Variants in CNTN3 observed in about 807,000 individuals in gnomAD.
CNTN3 encodes contactin 3, also known as contactin-3.
A neutral mutation model predicts 119.1 loss-of-function variants in CNTN3; 60 were observed. The observed-to-expected ratio is 0.50, with a 90% CI of 0.41 to 0.62. The LOEUF (loss-of-function observed/expected upper bound fraction) is 0.62. Among genes scored for constraint, CNTN3 ranks in the 20% least tolerant of loss-of-function variants. CNTN3 has a pLI of 0.00. For missense variants in CNTN3, 1,101 were observed against 1,242.4 expected (o/e 0.89, Z 1.71); for synonymous variants, 450 against 438.7 (o/e 1.03, Z -0.32).
At chr3:74,286,783 G>A (rs962911110) in intron 19 of CNTN3, among the ~76,000 whole-genome samples, 13 of 152,162 alleles carry the variant, frequency 8.5e-5, no homozygotes, top group African/African-American at 3.1e-4. Context: ...ACTGAATTGT[G>A]GTTCTCAATC....
chr3:74,452,370 C>A (rs1702175712), intron 4 of CNTN3, among the ~76,000 whole-genome samples: 1 of 127,684 alleles, frequency 7.8e-6, no homozygotes. Flanking sequence ...GATTTTGTAT[C>A]CTGAGACTTT....
intron 1 of CNTN3, among the ~76,000 whole-genome samples, chr3:74,594,262 T>C (rs1704753589): frequency 7.1e-6 from 1 of 140,760 alleles, no homozygotes; most frequent in African/African-American, 3.0e-5. Flanking sequence ...CAAAACTGTA[T>C]TTCTTTTTTT....
intron 1 of CNTN3, among the ~76,000 whole-genome samples, chr3:74,542,221 TA>T (rs1401176440): frequency 1.3e-5 from 2 of 151,942 alleles, no homozygotes; most frequent in Admixed American, 6.6e-5. Flanking sequence ...TAATGAAAAA[TA>T]AAATAATTTT....
intron 4 of CNTN3, among the ~76,000 whole-genome samples, chr3:74,459,774 T>C (rs1702332568): frequency 6.6e-6 from 1 of 152,036 alleles, no homozygotes; most frequent in Admixed American, 6.6e-5. Context: ...GGTATGCCTT[T>C]TATTATTCTC....
intron 1 of CNTN3, among the ~76,000 whole-genome samples, chr3:74,588,576 G>T (rs1279146743): frequency 3.9e-5 from 6 of 151,968 alleles, no homozygotes; most frequent in Non-Finnish European, 1.5e-5. Flanking sequence ...AGCTACCAAT[G>T]ACTTTCTTCA....
At chr3:74,298,270 T>A (rs931224698) in intron 17 of CNTN3, 79 bp from the exon 18 acceptor site, 1 of 854,838 alleles carries the variant, frequency 1.2e-6, no homozygotes, top group African/African-American at 1.7e-5. Context: ...TCCACAGGCA[T>A]TTATTTGTAA....
chr3:74,399,282 T>TCC (rs1559582093), intron 5 of CNTN3, among the ~76,000 whole-genome samples: 1 of 152,112 alleles, frequency 6.6e-6, no homozygotes, highest in Non-Finnish European at 1.5e-5. Flanking sequence ...TTCCTGATCC[T>TCC]CCCCTTCCTC....
intron 1 of CNTN3, among the ~76,000 whole-genome samples, chr3:74,603,964 A>G (rs1009858307): frequency 9.9e-5 from 15 of 152,146 alleles, no homozygotes; most frequent in African/African-American, 2.4e-4. Context: ...GCATCAAAAC[A>G]GAACGCATAT....
intron 1 of CNTN3, among the ~76,000 whole-genome samples, chr3:74,568,768 T>C (rs538898897): frequency 3.9e-5 from 6 of 152,332 alleles, no homozygotes; most frequent in African/African-American, 1.4e-4. Context: ...GCCTCTTCTT[T>C]GTTTTATTTC....
intron 13 of CNTN3, among the ~76,000 whole-genome samples, chr3:74,313,265 C>T (rs944116561): frequency 2.0e-5 from 3 of 151,870 alleles, no homozygotes; most frequent in African/African-American, 7.3e-5. Flanking sequence ...ATTTTTGAAG[C>T]AATGGTGACT....
intron 4 of CNTN3, among the ~76,000 whole-genome samples, chr3:74,470,463 T>C (rs1702539434): frequency 2.0e-5 from 3 of 152,086 alleles, no homozygotes; most frequent in Non-Finnish European, 1.5e-5. Flanking sequence ...GTAGGAATTA[T>C]AAAAAGCTGC....
At chr3:74,462,649 T>G (rs1278409745) in intron 4 of CNTN3, among the ~76,000 whole-genome samples, 1 of 152,104 alleles carries the variant, frequency 6.6e-6, no homozygotes, top group Non-Finnish European at 1.5e-5. Context: ...TCCTCCATAA[T>G]ATATTGATTG....
chr3:74,298,315 A>T, intron 17 of CNTN3, 124 bp from the exon 18 acceptor site: 1 of 529,158 alleles, frequency 1.9e-6, no homozygotes. Context: ...TGTATTAAGC[A>T]GTTGCATGAA....
intron 11 of CNTN3, among the ~76,000 whole-genome samples, chr3:74,343,615 T>C (rs746731131): frequency 9.9e-5 from 15 of 152,256 alleles, no homozygotes; most frequent in Non-Finnish European, 2.2e-4. Flanking sequence ...GCAACTAACA[T>C]TGATCTTCCT....
chr3:74,304,724 T>A (rs1702525639), intron 13 of CNTN3, among the ~76,000 whole-genome samples: 1 of 152,148 alleles, frequency 6.6e-6, no homozygotes, highest in Admixed American at 6.6e-5. Flanking sequence ...AATGAAGCCA[T>A]CTTCCTAAAG....
At chr3:74,563,274 G>A (rs1329742838) in intron 1 of CNTN3, among the ~76,000 whole-genome samples, 1 of 152,052 alleles carries the variant, frequency 6.6e-6, no homozygotes. Flanking sequence ...GCCCAAAGTG[G>A]GGGAAAATGC....
At position 74,492,375 on chromosome 3, in the gene CNTN3, C is replaced by G. The variant is rs374368184; in HGVS notation, c.183-5744G>C. On this transcript the variant is annotated intron_variant, in intron 3 of 22. Transcript: ENST00000263665. ...CTACTTAAGGGAGCGTATCTTTGAT[C>G]AATCCCCTTCTTTTAAATCTTAGTT... Among the ~76,000 whole-genome samples the G allele has an allele frequency of 2.0e-4, 31 of 152,214 alleles. 2 individuals carry two copies. Among genetic ancestry groups the G allele is most frequent in the African/African-American group, 7.5e-4 (31 of 41,554 alleles).
intron 4 of CNTN3, among the ~76,000 whole-genome samples, chr3:74,449,807 T>A (rs1261689033): frequency 6.6e-6 from 1 of 151,958 alleles, no homozygotes; most frequent in Non-Finnish European, 1.5e-5. Context: ...TACTTTGTTA[T>A]ACAGTAATTC....
chr3:74,614,028 C>T (rs1705126877), intron 1 of CNTN3, among the ~76,000 whole-genome samples: 2 of 152,148 alleles, frequency 1.3e-5, no homozygotes, highest in Non-Finnish European at 2.9e-5. Flanking sequence ...CATTCTGCAT[C>T]ATGCACCTGG....
Sources: allele counts gnomAD v4.1 joint callset (sites outside exome capture counted in the v4.1 genomes callset), GRCh38; gene constraint gnomAD v4.1.1; transcripts MANE v1.5; gene names NCBI Gene and HGNC (gene_info 2026-07-23, HGNC 2026-07-21).